PDZD7: variants seen among roughly 807,000 people sequenced by gnomAD.
PDZD7 encodes PDZ domain containing 7.
In PDZD7, 72 loss-of-function variants were observed where a neutral mutation model predicts 84.7. The observed-to-expected ratio is 0.85, with a 90% CI of 0.70 to 1.03. PDZD7 has a LOEUF of 1.03. PDZD7 is among the 50% of genes least tolerant of loss of function. PDZD7 has a pLI of 0.00. For synonymous variants in PDZD7, 594 were observed against 580.7 expected, an observed-to-expected ratio of 1.02 and a Z score of -0.33; for missense variants, 1,490 against 1,412.9, an observed-to-expected ratio of 1.05 and a Z score of -0.87.
rs1004906417 is a variant in PDZD7 at position 101,008,234 on chromosome 10, G to A, written c.*233C>T. 8 of 531,680 alleles carry A rather than the reference G, an allele frequency of 1.5e-5. No individual in the cohort carries two copies. The highest frequency in any genetic ancestry group is 1.1e-4 in the African/African-American group (6 of 53,202). 32.9% of individuals were successfully genotyped at this position (531,680 alleles called of 1,614,324 possible). A position where few individuals can be genotyped will look rare whatever the true frequency, so the allele number is the denominator to read the frequency against. On this transcript the variant is annotated 3_prime_UTR_variant, in exon 17 of 17. Coordinates refer to ENST00000619208, the MANE Select transcript of PDZD7 (RefSeq NM_001195263.2). ...CTATCCTGGCTTGGGAGGTTGGGGA[G>A]CAGTGAGTGCAGGTGACACAGGCTG...
In PDZD7 at chr10:101,011,724, C is replaced by T. The variant is rs555696256; in HGVS notation, c.1971G>A (p.Thr657=). The T allele has an allele frequency of 3.9e-6, 6 of 1,543,970 alleles. No individual in the cohort carries two copies. The highest frequency in any genetic ancestry group is 4.4e-6 in the Non-Finnish European group (5 of 1,146,912). Reference sequence around the variant, plus strand: ...GGGTGATAAGGTGACGCTTGGGTGGCGTGTCCTGCCGGGCTGGTCTCAAAG... The same window carrying T: ...GGGTGATAAGGTGACGCTTGGGTGGTGTGTCCTGCCGGGCTGGTCTCAAAG... ...PPALRPARQD[T]PPKRHLITPV... The change falls in exon 14 of 17, where the codon ACG becomes ACA. Residue 657 remains threonine (T), a synonymous_variant. Transcript: ENST00000619208.
At chr10:101,023,233 C>A in intron 4 of PDZD7, 4 of 640,576 alleles carry the variant, frequency 6.2e-6, no homozygotes, top group Non-Finnish European at 1.1e-5. Context: ...CCACTGGGAT[C>A]TGGGAGAGCA....
In PDZD7 at chr10:101,011,733, C is replaced by G; in HGVS notation, c.1962G>C (p.Arg654=). 1 of 1,546,148 alleles carries G rather than the reference C, an allele frequency of 6.5e-7. No individual in the cohort carries two copies. The highest frequency in any genetic ancestry group is 8.7e-7 in the Non-Finnish European group (1 of 1,146,944). ...GGTGACGCTTGGGTGGCGTGTCCTG[C>G]CGGGCTGGTCTCAAAGCAGGAGGCC... ...AVRPPALRPA[R]QDTPPKRHLI... is the part of the protein sequence containing the mutation. The change falls in exon 14 of 17, where the codon CGG becomes CGC. Residue 654 remains arginine, a synonymous_variant. Transcript: ENST00000619208.
chr10:101,008,434 A>AGTC lies in PDZD7; in HGVS notation c.*30_*32dup. 1 of 1,472,570 alleles carries AGTC rather than the reference A, an allele frequency of 6.8e-7. No homozygotes were observed. 91.2% of individuals were successfully genotyped at this position (1,472,570 alleles called of 1,614,324 possible). On this transcript the variant is annotated 3_prime_UTR_variant, in exon 17 of 17. Coordinates refer to ENST00000619208, the MANE Select transcript of PDZD7 (RefSeq NM_001195263.2). The stretch of plus-strand genomic sequence containing the variant: ...GGTCCTGGGGATAACGGGATGCTGG[A>AGTC]GTCAGTGGGTGAATCTGAGGTTAGG...
At chr10:101,016,465 C>A in intron 9 of PDZD7, 38 bp from the exon 10 acceptor site, 1 of 1,549,370 alleles carries the variant, frequency 6.5e-7, no homozygotes, top group Middle Eastern at 1.7e-4. Context: ...AGGCCTTGGC[C>A]CCCAGTCTGA....
rs201165944 is a variant in PDZD7 at position 101,021,961 on chromosome 10, C to T, written c.720-16G>A. On this transcript the variant is annotated splice_polypyrimidine_tract_variant and intron_variant, in intron 5 of 16. Transcript: ENST00000619208. ...ATGGTCCACTCTGAGGCCAGACAGGCGTCAGTCTGATAGGCCCCTGGCCTG... is the reference window on the plus strand; with the variant it reads ...ATGGTCCACTCTGAGGCCAGACAGGTGTCAGTCTGATAGGCCCCTGGCCTG... 3.2e-4 allele frequency: 524 copies of T among 1,613,972 alleles called. No homozygotes were observed. Among genetic ancestry groups the T allele is most frequent in the Non-Finnish European group, 4.1e-4 (486 of 1,179,982 alleles).
At chr10:101,017,877 A>AAG (rs1159574731) in intron 9 of PDZD7, 16 of 280,320 alleles carry the variant, frequency 5.7e-5, no homozygotes, top group Non-Finnish European at 7.6e-5. Context: ...GAAAGAAAGA[A>AAG]AGAAAGAAAG....
chr10:101,018,211 G>A lies in PDZD7; in HGVS notation c.1410C>T (p.Leu470=), dbSNP rs1388349706. 6.2e-7 allele frequency: 1 copy of A among 1,614,206 alleles called. No homozygotes were observed. The highest frequency in any genetic ancestry group is 1.7e-5 in the Admixed American group (1 of 60,030). The change falls in exon 9 of 17, where the codon CTC becomes CTT. Residue 470 remains leucine, a synonymous_variant. Coordinates refer to ENST00000619208, the MANE Select transcript of PDZD7 (RefSeq NM_001195263.2). The stretch of plus-strand genomic sequence containing the variant: ...TCCCCTGCCGCCCTCCCTTGAAGAA[G>A]AGGTTCATCAGCGTCTTGGAGCGCT... The part of the protein sequence containing the change: ...ALQRSKTLMN[L]FFKGGRQGRL...
chr10:101,010,484 G>A lies in PDZD7; in HGVS notation c.2405C>T (p.Thr802Ile). Residue 802 changes from threonine (T) to isoleucine (I), a missense_variant, in exon 15 of 17, where the codon ACC becomes ATC. Physicochemically the swap from Thr to Ile is moderately conservative, Grantham distance 89. Transcript: ENST00000619208. Reference protein sequence around the residue: ...PGRRSPSPVPTPAPSMTNGRY... With the variant: ...PGRRSPSPVPIPAPSMTNGRY... Reference sequence around the variant, plus strand: ...CCCATTGGTCATGCTGGGGGCAGGGGTAGGCACCGGGGATGGGGAGCGTCT... The same window carrying A: ...CCCATTGGTCATGCTGGGGGCAGGGATAGGCACCGGGGATGGGGAGCGTCT... The A allele has an allele frequency of 6.5e-7, 1 of 1,535,150 alleles. No individual in the cohort carries two copies. The highest frequency in any genetic ancestry group is 1.2e-5 in the South Asian group (1 of 84,056).
Position 101,010,309 on chromosome 10 carries a change from C to T in PDZD7, c.2580G>A (p.Leu860=), listed in dbSNP as rs1454455891. 6.5e-7 allele frequency: 1 copy of T among 1,535,466 alleles called. No homozygotes were observed. The highest frequency in any genetic ancestry group is 1.2e-5 in the South Asian group (1 of 84,052). Residue 860 remains leucine, a synonymous_variant, in exon 15 of 17, where the codon CTG becomes CTA. Transcript: ENST00000619208. The part of the protein sequence containing the change: ...EAAMKNPSGE[L]KTVTLSKMKQ... ...TCATCTTGGACAGTGTCACTGTCTTCAGCTCGCCACTGGGGTTCTTCATGG... is the reference window on the plus strand; with the variant it reads ...TCATCTTGGACAGTGTCACTGTCTTTAGCTCGCCACTGGGGTTCTTCATGG...
At position 101,009,198 on chromosome 10, in the gene PDZD7, G is replaced by T. The variant is rs1245820398; in HGVS notation, c.2718+52C>A. 4.8e-6 allele frequency: 7 copies of T among 1,449,328 alleles called. No homozygotes were observed. The African/African-American group carries it at 5.6e-5, about 12-fold the overall frequency. The allele number at this position is 1,449,328 out of a possible 1,614,324, so 89.8% of individuals were successfully genotyped here. Reference sequence around the variant, plus strand: ...CTGAGCATGGCCAGCCCCACCTCCTGCCTGGTTTCAGCTGTGCTCTGAGAG... The same window carrying T: ...CTGAGCATGGCCAGCCCCACCTCCTTCCTGGTTTCAGCTGTGCTCTGAGAG... On this transcript the variant is annotated intron_variant, in intron 16 of 16. Coordinates refer to ENST00000619208, the MANE Select transcript of PDZD7 (RefSeq NM_001195263.2).
chr10:101,027,592 G>A (rs1010109756), intron 2 of PDZD7, among the ~76,000 whole-genome samples: 1 of 152,180 alleles, frequency 6.6e-6, no homozygotes, highest in Admixed American at 6.5e-5. Flanking sequence ...CTGGGACTGA[G>A]CCCTGCAATC....
At chr10:101,028,844 G>T (rs1429267332) in intron 2 of PDZD7, among the ~76,000 whole-genome samples, 3 of 152,220 alleles carry the variant, frequency 2.0e-5, no homozygotes, top group East Asian at 1.9e-4. Context: ...AGTGCCCTGT[G>T]CTCACCAGAG....
At position 101,010,519 on chromosome 10, in the gene PDZD7, C is replaced by G. The variant is rs1852357303; in HGVS notation, c.2370G>C (p.Lys790Asn). 1 of 1,531,486 alleles carries G rather than the reference C, an allele frequency of 6.5e-7. No homozygotes were observed. Among genetic ancestry groups the G allele is most frequent in the Non-Finnish European group, 8.7e-7 (1 of 1,143,892 alleles). 94.9% of individuals were successfully genotyped at this position (1,531,486 alleles called of 1,614,324 possible). A position where few individuals can be genotyped will look rare whatever the true frequency, so the allele number is the denominator to read the frequency against. ...GGGATGGGGAGCGTCTACCTGGAGA[C>G]TTGCCTTGACCCCGGCTGCTGCGGC... is the stretch of plus-strand genomic sequence containing the variant. ...SRSRSSRGQG[K>N]SPGRRSPSPV... The change falls in exon 15 of 17, where the codon AAG (lysine) becomes AAC (asparagine). Residue 790 changes from lysine to asparagine, a missense_variant. Coordinates refer to ENST00000619208, the MANE Select transcript of PDZD7 (RefSeq NM_001195263.2).
rs1177831852 is a variant in PDZD7 at position 101,009,275 on chromosome 10, G to GC, written c.2692dup (p.Ala898GlyfsTer63). ...CTGCAGGGCCCCACTGAGGAAAGCG[G>GC]CCCCCCCAGGGAAGATCTTCTCTAT... On this transcript the variant is annotated frameshift_variant, in exon 16 of 17. Coordinates refer to ENST00000619208, the MANE Select transcript of PDZD7 (RefSeq NM_001195263.2). LOFTEE classifies it low-confidence loss of function (END_TRUNC). 57 of 1,535,744 alleles carry GC rather than the reference G, an allele frequency of 3.7e-5. No individual in the cohort carries two copies. Among genetic ancestry groups the GC allele is most frequent in the Admixed American group, 3.3e-4 (17 of 50,982 alleles).
In PDZD7 at chr10:101,030,296, C is replaced by T. The variant is rs887802061; in HGVS notation, c.-77G>A. On this transcript the variant is annotated 5_prime_UTR_variant, in exon 2 of 17. Coordinates refer to ENST00000619208, the MANE Select transcript of PDZD7 (RefSeq NM_001195263.2). Reference sequence around the variant, plus strand: ...CTGGAGAGGCCAGCCCTGCGTGCTTCGAGCTCCATGAGCCTCTGTGCGGGG... The same window carrying T: ...CTGGAGAGGCCAGCCCTGCGTGCTTTGAGCTCCATGAGCCTCTGTGCGGGG... The T allele has an allele frequency of 6.2e-6, 8 of 1,298,916 alleles. No homozygotes were observed. The highest frequency in any genetic ancestry group is 8.6e-6 in the Non-Finnish European group (8 of 929,204). The allele number at this position is 1,298,916 out of a possible 1,614,324, so 80.5% of individuals were successfully genotyped here.
At chr10:101,013,872 T>TAC (rs1852488432) in intron 11 of PDZD7, among the ~76,000 whole-genome samples, 1 of 145,696 alleles carries the variant, frequency 6.9e-6, no homozygotes, top group Non-Finnish European at 1.5e-5. Flanking sequence ...TTTTTTGAGA[T>TAC]GGATTTTCGC....
intron 16 of PDZD7, 84 bp downstream of exon 16, chr10:101,009,166 C>A: frequency 7.9e-7 from 1 of 1,269,150 alleles, no homozygotes; most frequent in East Asian, 2.5e-5. Context: ...ACATGTCTGG[C>A]TGGAAGCTGA....
intron 5 of PDZD7, 66 bp from the exon 6 acceptor site, chr10:101,022,011 C>A: frequency 6.3e-7 from 1 of 1,592,212 alleles, no homozygotes; most frequent in South Asian, 1.1e-5. Context: ...ACTCCAGACC[C>A]CCTTCTCTTG....
Sources: allele counts gnomAD v4.1 joint callset (sites outside exome capture counted in the v4.1 genomes callset), GRCh38; gene constraint gnomAD v4.1.1; transcripts MANE v1.5; gene names NCBI Gene and HGNC (gene_info 2026-07-23, HGNC 2026-07-21).